The following NCR1 variants were observed in gnomAD, a reference collection of about 807,000 sequenced individuals.
The protein encoded by NCR1 is NK cell-activating receptor.
Under a neutral mutation model 32.5 loss-of-function variants are expected in NCR1, and 30 were observed. The observed-to-expected ratio is 0.92, with a 90% CI of 0.69 to 1.25. NCR1 has a LOEUF of 1.25. NCR1 is among the 50% of genes most tolerant of loss of function. The probability of loss-of-function intolerance (pLI) is 0.00; values close to 1 mark genes in which losing one functional copy is unlikely to be tolerated. For synonymous variants in NCR1, 169 were observed against 143.4 expected, an observed-to-expected ratio of 1.18 and a Z score of -1.28; for missense variants, 369 against 380.7, an observed-to-expected ratio of 0.97 and a Z score of 0.26.
intron 6 of NCR1, among the ~76,000 whole-genome samples, chr19:54,912,439 A>G (rs548611905): frequency 6.6e-6 from 1 of 151,934 alleles, no homozygotes; most frequent in East Asian, 1.9e-4. Flanking sequence ...TCTACTAAAA[A>G]TACAAAAAAA....
intron 3 of NCR1, among the ~76,000 whole-genome samples, chr19:54,908,031 C>T (rs980594789): frequency 2.6e-5 from 4 of 151,020 alleles, no homozygotes; most frequent in East Asian, 1.9e-4. Context: ...GGGTGTTTCT[C>T]GGAGAGGGGG....
At chr19:54,921,117 C>G (rs1369448182), downstream of NCR1, among the ~76,000 whole-genome samples, 1 of 152,174 alleles carries the variant, frequency 6.6e-6, no homozygotes, top group Admixed American at 6.5e-5. Context: ...CAGCCTCTAC[C>G]TACTATCTTT....
chr19:54,917,091 C>T (rs1671160), downstream of NCR1, among the ~76,000 whole-genome samples: 30,492 of 151,644 alleles, frequency 0.2, 3,339 homozygotes, highest in South Asian at 0.27. Flanking sequence ...ACCACTTCCT[C>T]CTCGAAGGAC....
At chr19:54,916,393 T>A (rs1215654467), downstream of NCR1, among the ~76,000 whole-genome samples, 1 of 146,176 alleles carries the variant, frequency 6.8e-6, no homozygotes, top group Non-Finnish European at 1.5e-5. Flanking sequence ...CGATCTTGAC[T>A]CTGCAACCTC....
the NCR1 span, among the ~76,000 whole-genome samples, chr19:54,934,027 G>T: frequency 0.29 from 44,138 of 152,026 alleles, 6,792 homozygotes; most frequent in East Asian, 0.41. The surrounding 1 kb of genome is among the most constrained non-coding windows in gnomAD (Gnocchi z 6.7). Context: ...ACTGCCAATC[G>T]CCGCCTCCCA....
At chr19:54,904,141 AAAGAAAGAAAAAG>A (rs1234133220), upstream of NCR1, among the ~76,000 whole-genome samples, 58 of 93,482 alleles carry the variant, frequency 6.2e-4, 1 homozygote, top group African/African-American at 2.8e-3. Context: ...AAAAAAAAAA[AAAGAAAGAAAAAG>A]AAAAAGAAAA....
chr19:54,911,182 TA>T (rs920023505), intron 5 of NCR1, among the ~76,000 whole-genome samples: 6 of 149,314 alleles, frequency 4.0e-5, no homozygotes, highest in African/African-American at 4.9e-5. Flanking sequence ...CTGTCTCTAC[TA>T]AAAAAAAATA....
downstream of NCR1, among the ~76,000 whole-genome samples, chr19:54,914,629 G>A (rs911112525): frequency 1.6e-4 from 25 of 151,980 alleles, 1 homozygote; most frequent in Non-Finnish European, 1.5e-5. Context: ...GTGAGTCACC[G>A]TACCCGGCCA....
the NCR1 span, among the ~76,000 whole-genome samples, chr19:54,930,829 C>T: frequency 6.6e-6 from 1 of 152,102 alleles, no homozygotes; most frequent in African/African-American, 2.4e-5. Context: ...GATTCTTCTG[C>T]CTCAGCCTCC....
At chr19:54,931,604 C>T in the NCR1 span, among the ~76,000 whole-genome samples, 1 of 151,920 alleles carries the variant, frequency 6.6e-6, no homozygotes, top group South Asian at 2.1e-4. Context: ...AGGAGAATCT[C>T]TTGAACTGGG....
the NCR1 span, among the ~76,000 whole-genome samples, chr19:54,899,168 A>C: frequency 0.033 from 5,022 of 152,218 alleles, 103 homozygotes; most frequent in African/African-American, 0.055. Flanking sequence ...CCGTTTGCCC[A>C]TTTTACAACA....
At chr19:54,925,277 G>A in the NCR1 span, among the ~76,000 whole-genome samples, 1 of 152,028 alleles carries the variant, frequency 6.6e-6, no homozygotes, top group Non-Finnish European at 1.5e-5. Flanking sequence ...TACAGACCTC[G>A]GTCCCACCAA....
chr19:54,937,074 C>A, the NCR1 span, among the ~76,000 whole-genome samples: 11 of 150,380 alleles, frequency 7.3e-5, no homozygotes, highest in African/African-American at 2.7e-4. Context: ...AAAAACTAGC[C>A]GGGCGTGGTG....
the NCR1 span, among the ~76,000 whole-genome samples, chr19:54,934,084 C>T: frequency 6.6e-6 from 1 of 152,138 alleles, no homozygotes; most frequent in Non-Finnish European, 1.5e-5. This position sits in a 1 kb window ranked among gnomAD's most constrained non-coding sequence, Gnocchi z 6.7. Context: ...GCTGGGACTA[C>T]AGGCGCCCAC....
rs138339976 is a variant in NCR1, at chr19:54,906,676, C to G, written c.224C>G (p.Pro75Arg). The G allele has an allele frequency of 3.1e-6, 5 of 1,614,128 alleles. No homozygotes were observed. The highest frequency in any genetic ancestry group is 3.4e-6 in the Non-Finnish European group (4 of 1,180,056). Residue 75 changes from proline to arginine, a missense_variant, in exon 3 of 7, where the codon CCT becomes CGT. Transcript: ENST00000291890. ...SLFAVDRPKP[P>R]ERINKVQFYI... The stretch of plus-strand genomic sequence containing the variant: ...TTTGCCGTGGACAGACCAAAACCCC[C>G]TGAGCGGATTAACAAAGTCCAATTC...
At chr19:54,921,899 A>T in the NCR1 span, among the ~76,000 whole-genome samples, 22 of 145,388 alleles carry the variant, frequency 1.5e-4, no homozygotes, top group Non-Finnish European at 2.9e-4. Flanking sequence ...CAATGCTCTT[A>T]TTTTTTTTTT....
chr19:54,903,327 TAC>T (rs1255617879), upstream of NCR1, among the ~76,000 whole-genome samples: 4 of 138,748 alleles, frequency 2.9e-5, 1 homozygote, highest in South Asian at 4.3e-4. Context: ...CATGTATATA[TAC>T]ATGTATGTAT....
At chr19:54,919,152 C>T (rs1289676399), downstream of NCR1, among the ~76,000 whole-genome samples, 7 of 152,112 alleles carry the variant, frequency 4.6e-5, no homozygotes, top group Non-Finnish European at 5.9e-5. Flanking sequence ...AGGGACCAGC[C>T]CCACAGGGTC....
At chr19:54,936,543 C>T in the NCR1 span, 22 of 949,676 alleles carry the variant, frequency 2.3e-5, no homozygotes, top group East Asian at 7.3e-5. Context: ...AGTTCTTGGC[C>T]GGGTGCAGTG....
Sources: gnomAD v4.1 joint callset for allele counts (sites outside exome capture counted in the v4.1 genomes callset) on GRCh38, gnomAD v4.1.1 for gene constraint, Gnocchi (gnomAD v3.1) non-coding constraint, MANE v1.5 for transcripts, NCBI Gene and HGNC (gene_info 2026-07-23, HGNC 2026-07-21) for gene names.